The following NKAPD1 variants were observed in gnomAD, a reference collection of about 807,000 sequenced individuals.
NKAPD1 encodes uncharacterized protein NKAPD1.
Under a neutral mutation model 30.9 loss-of-function variants are expected in NKAPD1, and 12 were observed. The observed-to-expected ratio is 0.39, with a 90% CI of 0.25 to 0.63. The LOEUF (loss-of-function observed/expected upper bound fraction) is 0.63. Ranked by LOEUF, NKAPD1 falls within the 20% of genes least tolerant of loss-of-function variation. The probability of loss-of-function intolerance (pLI) is 0.51; values close to 1 mark genes in which losing one functional copy is unlikely to be tolerated. For missense variants in NKAPD1, 311 were observed against 344.5 expected (o/e 0.90, Z 0.77); for synonymous variants, 91 against 113.6 (o/e 0.80, Z 1.26).
In NKAPD1 at chr11:112,075,640, T is replaced by A; in HGVS notation, c.66T>A (p.Asn22Lys). Residue 22 changes from asparagine to lysine, a missense_variant, in exon 2 of 6, where the codon AAT becomes AAA. Physicochemically the swap from Asn to Lys is moderately conservative, Grantham distance 94. Transcript: ENST00000393047. ...RNVIRHTDAH[N>K]KIQEESDMWK... ...TCATCCGGCACACAGATGCTCACAA[T>A]AAGGTGGGAGGTACAACCTAGTTAC... 6.2e-7 allele frequency: 1 copy of A among 1,608,244 alleles called. No individual in the cohort carries two copies. Among genetic ancestry groups the A allele is most frequent in the Non-Finnish European group, 8.5e-7 (1 of 1,178,380 alleles).
intron 2 of NKAPD1, among the ~76,000 whole-genome samples, chr11:112,077,742 A>C (rs1473981358): frequency 6.6e-6 from 1 of 152,142 alleles, no homozygotes; most frequent in South Asian, 2.1e-4. Context: ...TGGACTGTTC[A>C]GCCACTTTCT....
In NKAPD1 at chr11:112,074,887, C is replaced by T. The variant is rs1865278656; in HGVS notation, c.-38C>T. 1 of 173,146 alleles carries T rather than the reference C, an allele frequency of 5.8e-6. No homozygotes were observed. The highest frequency in any genetic ancestry group is 2.4e-5 in the African/African-American group (1 of 42,292). 10.7% of individuals were successfully genotyped at this position (173,146 alleles called of 1,614,324 possible). A position where few individuals can be genotyped will look rare whatever the true frequency, so the allele number is the denominator to read the frequency against. On this transcript the variant is annotated 5_prime_UTR_variant, in exon 1 of 6. Coordinates refer to ENST00000393047, the MANE Select transcript of NKAPD1 (RefSeq NM_018195.4). ...ATGGAGTGGTTCTTCGTCTCACTAGCAAGATGCCTGATTTCCTCAGGATCA... is the reference window on the plus strand; with the variant it reads ...ATGGAGTGGTTCTTCGTCTCACTAGTAAGATGCCTGATTTCCTCAGGATCA...
At chr11:112,075,724 G>T (rs1865314655) in intron 2 of NKAPD1, 81 bp downstream of exon 2, 1 of 1,413,748 alleles carries the variant, frequency 7.1e-7, no homozygotes, top group Admixed American at 2.4e-5. Context: ...ACAACTGGGA[G>T]ATACAAAGAA....
intron 3 of NKAPD1, among the ~76,000 whole-genome samples, chr11:112,079,358 C>T (rs1865396671): frequency 6.6e-6 from 1 of 152,042 alleles, no homozygotes. Flanking sequence ...GTTGGCCAGG[C>T]TGGTCTTGAA....
At position 112,083,119 on chromosome 11, in the gene NKAPD1, T is replaced by A; in HGVS notation, c.*147T>A. ...ATGTTCTGACAGACGTCTTGTCTTC[T>A]ATTTTGGCGTTAAGCTTGATCCCCT... On this transcript the variant is annotated 3_prime_UTR_variant, in exon 6 of 6. Coordinates refer to ENST00000393047, the MANE Select transcript of NKAPD1 (RefSeq NM_018195.4). 1 of 755,174 alleles carries A rather than the reference T, an allele frequency of 1.3e-6. No homozygotes were observed. The highest frequency in any genetic ancestry group is 1.9e-6 in the Non-Finnish European group (1 of 513,320). The allele number at this position is 755,174 out of a possible 1,614,324, so 46.8% of individuals were successfully genotyped here. A position where few individuals can be genotyped will look rare whatever the true frequency, so the allele number is the denominator to read the frequency against.
chr11:112,077,957 T>C (rs1443451098), intron 2 of NKAPD1, among the ~76,000 whole-genome samples: 1 of 151,894 alleles, frequency 6.6e-6, no homozygotes, highest in Non-Finnish European at 1.5e-5. Context: ...GCGATTCTCC[T>C]GCCTCAGCCT....
Position 112,076,112 on chromosome 11 carries a change from C to T in NKAPD1, c.69+469C>T, listed in dbSNP as rs186551507. 2.0e-5 allele frequency among the ~76,000 whole-genome samples: 3 copies of T among 152,252 alleles called. No individual in the cohort carries two copies. The East Asian group carries it at 5.8e-4, about 29-fold the overall frequency. ...AGGGGATAGTGGCAGAAGATAAGGC[C>T]TCAGTGGTAATTAGAGTTGGATTGT... is the stretch of plus-strand genomic sequence containing the variant. On this transcript the variant is annotated intron_variant, in intron 2 of 5. Coordinates refer to ENST00000393047, the MANE Select transcript of NKAPD1 (RefSeq NM_018195.4).
At chr11:112,081,799 G>A in intron 4 of NKAPD1, 183 bp from the exon 5 acceptor site, 1 of 567,442 alleles carries the variant, frequency 1.8e-6, no homozygotes, top group South Asian at 2.1e-5. Flanking sequence ...TATGTCTGAA[G>A]TGATAGTGTA....
At chr11:112,081,024 AGTT>A (rs1456982881) in intron 4 of NKAPD1, 1 of 154,678 alleles carries the variant, frequency 6.5e-6, no homozygotes, top group African/African-American at 2.4e-5. Flanking sequence ...ACTTCAATAA[AGTT>A]GTTATTTAAA....
chr11:112,075,709 T>C, intron 2 of NKAPD1, 66 bp downstream of exon 2: 1 of 1,510,738 alleles, frequency 6.6e-7, no homozygotes, highest in Non-Finnish European at 9.0e-7. Flanking sequence ...AAGCATTATT[T>C]TGGAACAACT....
chr11:112,083,169 A>G lies in NKAPD1; in HGVS notation c.*197A>G. On this transcript the variant is annotated 3_prime_UTR_variant, in exon 6 of 6. Transcript: ENST00000393047. Reference sequence around the variant, plus strand: ...TTTTCTTGTTAAAAGGGAATCTGGTATTTTGTTATGAAGGTTTCTTGAAGA... The same window carrying G: ...TTTTCTTGTTAAAAGGGAATCTGGTGTTTTGTTATGAAGGTTTCTTGAAGA... 1 of 505,684 alleles carries G rather than the reference A, an allele frequency of 2.0e-6. No homozygotes were observed. Among genetic ancestry groups the G allele is most frequent in the East Asian group, 3.1e-5 (1 of 31,866 alleles). 31.3% of individuals were successfully genotyped at this position (505,684 alleles called of 1,614,324 possible). A position where few individuals can be genotyped will look rare whatever the true frequency, so the allele number is the denominator to read the frequency against.
chr11:112,075,977 G>A (rs1298816353), intron 2 of NKAPD1, among the ~76,000 whole-genome samples: 1 of 152,172 alleles, frequency 6.6e-6, no homozygotes, highest in African/African-American at 2.4e-5. Flanking sequence ...ACGTTTACCA[G>A]GTATGAAATA....
In NKAPD1 at chr11:112,083,840, G is replaced by A. The variant is rs1865517128; in HGVS notation, c.*868G>A. 1 of 152,578 alleles carries A rather than the reference G, an allele frequency of 6.6e-6. No homozygotes were observed. The highest frequency in any genetic ancestry group is 2.1e-4 in the South Asian group (1 of 4,830). The allele number at this position is 152,578 out of a possible 1,614,324, so 9.5% of individuals were successfully genotyped here. ...GTTCATTTCTAAATCTGTTCATGAA[G>A]TTTAGGTTTTCCCTGAAACTAAGTT... On this transcript the variant is annotated 3_prime_UTR_variant, in exon 6 of 6. Transcript: ENST00000393047.
Position 112,084,250 on chromosome 11 carries a change from G to C in NKAPD1, c.*1278G>C, listed in dbSNP as rs530146695. 35 of 152,692 alleles carry C rather than the reference G, an allele frequency of 2.3e-4. No individual in the cohort carries two copies. Among genetic ancestry groups the C allele is most frequent in the African/African-American group, 7.7e-4 (32 of 41,546 alleles). 9.5% of individuals were successfully genotyped at this position (152,692 alleles called of 1,614,324 possible). Reference sequence around the variant, plus strand: ...ATACGGAATTACTTCACAGTAGCATGACAGTATAAGACACCAGCAGTAGAT... The same window carrying C: ...ATACGGAATTACTTCACAGTAGCATCACAGTATAAGACACCAGCAGTAGAT... On this transcript the variant is annotated 3_prime_UTR_variant, in exon 6 of 6. Transcript: ENST00000393047.
intron 3 of NKAPD1, among the ~76,000 whole-genome samples, 165 bp downstream of exon 3, chr11:112,078,480 C>G (rs943631815): frequency 2.0e-5 from 3 of 152,132 alleles, no homozygotes; most frequent in African/African-American, 7.2e-5. Flanking sequence ...ATGGCTGTGA[C>G]GCATATGGCC....
At chr11:112,080,887 T>C (rs1477765592) in intron 4 of NKAPD1, 3 of 300,482 alleles carry the variant, frequency 1.0e-5, no homozygotes, top group Non-Finnish European at 1.9e-5. Flanking sequence ...TCTATTTATG[T>C]ACTATGTCCA....
chr11:112,079,398 C>T (rs1355923640), intron 3 of NKAPD1, among the ~76,000 whole-genome samples: 3 of 152,058 alleles, frequency 2.0e-5, no homozygotes, highest in Non-Finnish European at 4.4e-5. Flanking sequence ...CCACCCACCT[C>T]GGCCTCCCAA....
chr11:112,082,955 A>C lies in NKAPD1; in HGVS notation c.865A>C (p.Ser289Arg), dbSNP rs757220608. ...KVATDERSAE[S>R]SEDD ...AGCTACAGATGAAAGGTCTGCTGAG[A>C]GCTCAGAGGATGACTAAATGGGAAA... The change falls in exon 6 of 6, where the codon AGC (serine) becomes CGC (arginine). Residue 289 changes from serine to arginine, a missense_variant. Ser to Arg is a moderately radical substitution (Grantham distance 110). Transcript: ENST00000393047. 3.8e-6 allele frequency: 6 copies of C among 1,591,602 alleles called. No homozygotes were observed. Among genetic ancestry groups the C allele is most frequent in the Admixed American group, 1.9e-5 (1 of 52,564 alleles).
intron 2 of NKAPD1, among the ~76,000 whole-genome samples, chr11:112,076,790 A>G (rs918274136): frequency 6.6e-6 from 1 of 152,218 alleles, no homozygotes; most frequent in Non-Finnish European, 1.5e-5. Context: ...CTGTTGTTCA[A>G]GGTCAACTGT....
Sources: gnomAD v4.1 joint callset for allele counts (sites outside exome capture counted in the v4.1 genomes callset) on GRCh38, gnomAD v4.1.1 for gene constraint, MANE v1.5 for transcripts, NCBI Gene and HGNC (gene_info 2026-07-23, HGNC 2026-07-21) for gene names.